The following PIGU variants were observed in gnomAD, a reference collection of about 807,000 sequenced individuals.
The protein encoded by PIGU is phosphatidylinositol glycan anchor biosynthesis class U.
PIGU carries 24 observed loss-of-function variants against 49.9 expected under a neutral mutation model. That is an observed-to-expected ratio of 0.48 (90% CI 0.35 to 0.68). PIGU has a LOEUF of 0.68. Among genes scored for constraint, PIGU ranks in the 30% least tolerant of loss-of-function variants. The pLI, the probability that PIGU is intolerant of heterozygous loss-of-function variation, is 0.01. For missense variants in PIGU, 490 were observed against 532.6 expected (o/e 0.92, Z 0.79); for synonymous variants, 220 against 205.7 (o/e 1.07, Z -0.59).
At chr20:34,636,038 A>AC (rs398038441) in intron 5 of PIGU, among the ~76,000 whole-genome samples, 3 of 150,522 alleles carry the variant, frequency 2.0e-5, no homozygotes, top group Non-Finnish European at 4.4e-5. Context: ...TAAAAAAAAA[A>AC]CATAAAAAAA....
chr20:34,665,803 T>C (rs901219123), intron 1 of PIGU, among the ~76,000 whole-genome samples: 5 of 152,138 alleles, frequency 3.3e-5, no homozygotes, highest in African/African-American at 1.2e-4. Context: ...CTAAGGCACA[T>C]AAAACATACT....
intron 6 of PIGU, among the ~76,000 whole-genome samples, chr20:34,627,941 T>C (rs6088548): frequency 0.39 from 59,586 of 151,876 alleles, 12,160 homozygotes; most frequent in Admixed American, 0.55. Context: ...TTTTAAGTAA[T>C]CCAATAATAA....
At chr20:34,665,663 T>C (rs1328316181) in intron 1 of PIGU, among the ~76,000 whole-genome samples, 1 of 152,098 alleles carries the variant, frequency 6.6e-6, no homozygotes, top group Non-Finnish European at 1.5e-5. Flanking sequence ...ATGGAATACA[T>C]TTAGTTTTAA....
At chr20:34,564,938 C>A (rs1982680449) in intron 11 of PIGU, among the ~76,000 whole-genome samples, 1 of 152,218 alleles carries the variant, frequency 6.6e-6, no homozygotes, top group Non-Finnish European at 1.5e-5. Context: ...GGAGAGGACA[C>A]CAGGCTGGCC....
chr20:34,660,049 A>T (rs6142215), intron 1 of PIGU, among the ~76,000 whole-genome samples: 1,419 of 68,112 alleles, frequency 0.021, 24 homozygotes, highest in African/African-American at 0.067. Flanking sequence ...AATGATCAAT[A>T]AAAAAAAAAA....
At chr20:34,583,464 C>T (rs117187575) in intron 9 of PIGU, among the ~76,000 whole-genome samples, 2 of 152,192 alleles carry the variant, frequency 1.3e-5, no homozygotes, top group South Asian at 4.1e-4. Context: ...CATACCCAGG[C>T]AGAAGAGAAG....
intron 10 of PIGU, 138 bp from the exon 11 acceptor site, chr20:34,575,384 G>A (rs1983184214): frequency 9.6e-7 from 1 of 1,045,568 alleles, no homozygotes; most frequent in South Asian, 2.0e-5. Flanking sequence ...GAGGTACTGG[G>A]GTGCCAAGAA....
intron 6 of PIGU, among the ~76,000 whole-genome samples, chr20:34,619,460 C>G (rs1405047442): frequency 6.6e-6 from 1 of 152,164 alleles, no homozygotes; most frequent in African/African-American, 2.4e-5. Flanking sequence ...AGAGGGAAAA[C>G]ACTGAAAATA....
chr20:34,621,986 G>A (rs560241405), intron 6 of PIGU, among the ~76,000 whole-genome samples: 58 of 152,244 alleles, frequency 3.8e-4, no homozygotes, highest in African/African-American at 1.4e-3. Flanking sequence ...CAGGTTGGAG[G>A]GCAAGAGAGA....
chr20:34,644,323 T>A, intron 3 of PIGU, 97 bp from the exon 4 acceptor site: 2 of 952,866 alleles, frequency 2.1e-6, no homozygotes, highest in Non-Finnish European at 3.3e-6. Flanking sequence ...AGTGATGGAC[T>A]ACCAAGTACT....
At chr20:34,617,871 G>A (rs1985071822) in intron 6 of PIGU, among the ~76,000 whole-genome samples, 1 of 152,168 alleles carries the variant, frequency 6.6e-6, no homozygotes, top group Non-Finnish European at 1.5e-5. Flanking sequence ...CATGGGAGTT[G>A]CTGGTCTTTC....
At chr20:34,636,107 G>A (rs930952675) in intron 5 of PIGU, among the ~76,000 whole-genome samples, 2 of 151,724 alleles carry the variant, frequency 1.3e-5, no homozygotes, top group African/African-American at 4.8e-5. Context: ...AGGCTGAGGT[G>A]GGAGAATCAC....
intron 1 of PIGU, among the ~76,000 whole-genome samples, chr20:34,676,578 C>G (rs1408096785): frequency 6.6e-6 from 1 of 152,204 alleles, no homozygotes; most frequent in African/African-American, 2.4e-5. Flanking sequence ...GGGAGCACCC[C>G]TGGCGATCCC....
intron 6 of PIGU, among the ~76,000 whole-genome samples, chr20:34,627,037 G>A (rs981000376): frequency 2.0e-5 from 3 of 152,086 alleles, no homozygotes; most frequent in African/African-American, 7.2e-5. Context: ...AATACTCAAA[G>A]AGCTGGAGTG....
Position 34,581,628 on chromosome 20 carries a change from G to A in PIGU, c.971C>T (p.Ala324Val). ...FFMFIQIAVIAIFKSYPTVGD... is the reference protein window; with the variant it reads ...FFMFIQIAVIVIFKSYPTVGD... ...CACTGTCGGGTAGGACTTAAAGATG[G>A]CGATGACAGCGATCTGGATAAACAT... The change falls in exon 10 of 12, where the codon GCC becomes GTC. Residue 324 changes from alanine to valine, a missense_variant. Transcript: ENST00000217446. 1 of 1,613,980 alleles carries A rather than the reference G, an allele frequency of 6.2e-7. No individual in the cohort carries two copies. Among genetic ancestry groups the A allele is most frequent in the Non-Finnish European group, 8.5e-7 (1 of 1,179,910 alleles).
At chr20:34,583,280 G>A (rs1180635735) in intron 9 of PIGU, among the ~76,000 whole-genome samples, 1 of 152,208 alleles carries the variant, frequency 6.6e-6, no homozygotes, top group Non-Finnish European at 1.5e-5. Context: ...TCAGGTAGCT[G>A]GTAACAACGG....
intron 6 of PIGU, among the ~76,000 whole-genome samples, chr20:34,633,327 G>A (rs1985851481): frequency 6.6e-6 from 1 of 152,090 alleles, no homozygotes; most frequent in South Asian, 2.1e-4. Flanking sequence ...AGCCAGGCAT[G>A]ATGGAGGGTG....
chr20:34,578,310 G>A (rs188526627), intron 10 of PIGU, among the ~76,000 whole-genome samples: 3 of 152,092 alleles, frequency 2.0e-5, no homozygotes, highest in Admixed American at 6.5e-5. Context: ...TCTTGCAAAG[G>A]GACGTTTTCA....
At chr20:34,607,984 G>C (rs1361817329) in intron 7 of PIGU, among the ~76,000 whole-genome samples, 1 of 151,768 alleles carries the variant, frequency 6.6e-6, no homozygotes, top group East Asian at 1.9e-4. Context: ...TTCAGAGTGA[G>C]AAACTGGTAA....
Sources: allele counts gnomAD v4.1 joint callset (sites outside exome capture counted in the v4.1 genomes callset), GRCh38; gene constraint gnomAD v4.1.1; transcripts MANE v1.5; gene names NCBI Gene and HGNC (gene_info 2026-07-23, HGNC 2026-07-21).